The following RAD51B variants were observed in gnomAD, a reference collection of about 807,000 sequenced individuals.
RAD51B encodes the protein RAD51 paralog B, also known as DNA repair protein RAD51 homolog 2.
In RAD51B, 38 loss-of-function variants were observed where a neutral mutation model predicts 42.2. The observed-to-expected ratio is 0.90, with a 90% CI of 0.70 to 1.18. RAD51B has a LOEUF of 1.18. RAD51B is among the 50% of genes most tolerant of loss of function. The pLI is 0.00. For missense variants in RAD51B, 373 were observed against 400.7 expected (o/e 0.93, Z 0.59); for synonymous variants, 154 against 145.2 (o/e 1.06, Z -0.43).
At chr14:68,575,192 A>G (rs533454872) in intron 10 of RAD51B, among the ~76,000 whole-genome samples, 1 of 152,312 alleles carries the variant, frequency 6.6e-6, no homozygotes, top group South Asian at 2.1e-4. Context: ...TCTGTCAAAG[A>G]TACTGACTCG....
At chr14:67,836,538 TGCAGTG>T (rs905595955) in intron 4 of RAD51B, among the ~76,000 whole-genome samples, 2 of 151,228 alleles carry the variant, frequency 1.3e-5, no homozygotes, top group Non-Finnish European at 2.9e-5. Flanking sequence ...CAGGCTGAAG[TGCAGTG>T]GCACAATCTT....
At chr14:68,575,550 G>A (rs10148414) in intron 10 of RAD51B, among the ~76,000 whole-genome samples, 86,642 of 152,006 alleles carry the variant, frequency 0.57, 25,066 homozygotes, top group Middle Eastern at 0.66. Flanking sequence ...AGAGCCTTGC[G>A]GCATGGTAGA....
intron 4 of RAD51B, among the ~76,000 whole-genome samples, chr14:67,843,205 G>T (rs547628410): frequency 6.6e-6 from 1 of 150,548 alleles, no homozygotes; most frequent in African/African-American, 2.5e-5. Flanking sequence ...ACAACATGCA[G>T]GTTTGTTACA....
At chr14:67,862,882 TTG>T (rs571654660) in intron 4 of RAD51B, among the ~76,000 whole-genome samples, 1 of 152,042 alleles carries the variant, frequency 6.6e-6, no homozygotes, top group African/African-American at 2.4e-5. Context: ...AATTCATACT[TTG>T]TGTGTGTTTT....
chr14:68,329,720 G>A (rs748796291), intron 8 of RAD51B, among the ~76,000 whole-genome samples: 2 of 152,084 alleles, frequency 1.3e-5, no homozygotes, highest in Non-Finnish European at 2.9e-5. Context: ...GGTGGCTCAC[G>A]CCTATAATCC....
At chr14:67,859,802 A>T (rs1276583064) in intron 4 of RAD51B, among the ~76,000 whole-genome samples, 6 of 152,188 alleles carry the variant, frequency 3.9e-5, no homozygotes, top group African/African-American at 1.4e-4. Flanking sequence ...AAACATAGGA[A>T]ACAATATGGC....
chr14:67,996,766 G>A (rs1489078571), intron 7 of RAD51B, among the ~76,000 whole-genome samples: 1 of 152,192 alleles, frequency 6.6e-6, no homozygotes, highest in South Asian at 2.1e-4. Flanking sequence ...GAGATCACTG[G>A]CTGCTGGTTG....
At chr14:68,505,437 C>T (rs568822959) in intron 10 of RAD51B, among the ~76,000 whole-genome samples, 2 of 151,024 alleles carry the variant, frequency 1.3e-5, no homozygotes, top group African/African-American at 2.4e-5. Flanking sequence ...GTCAGCTGCC[C>T]GCTCTGTCCA....
At chr14:68,585,048 A>G (rs1294608439) in intron 10 of RAD51B, among the ~76,000 whole-genome samples, 1 of 152,166 alleles carries the variant, frequency 6.6e-6, no homozygotes, top group Non-Finnish European at 1.5e-5. Context: ...CTTCACCCAT[A>G]GGATGCGGCG....
At chr14:68,379,006 T>C (rs2083427171) in intron 8 of RAD51B, among the ~76,000 whole-genome samples, 1 of 152,224 alleles carries the variant, frequency 6.6e-6, no homozygotes, top group Non-Finnish European at 1.5e-5. Context: ...CTTCATCCAA[T>C]TACAGCAACA....
chr14:68,677,324 G>A (rs888987565), intron 11 of RAD51B, among the ~76,000 whole-genome samples: 20 of 152,144 alleles, frequency 1.3e-4, no homozygotes, highest in South Asian at 8.3e-4. Context: ...GCTTGGAGGC[G>A]GGAGAGATTC....
At position 68,611,267 on chromosome 14, in the gene RAD51B, A is replaced by G. The variant is rs765339186; in HGVS notation, c.*20A>G. The G allele has an allele frequency of 1.4e-5, 10 of 702,140 alleles. No homozygotes were observed. In the Middle Eastern group the frequency reaches 1.4e-3, roughly 96 times the overall value. The allele number at this position is 702,140 out of a possible 1,614,324, so 43.5% of individuals were successfully genotyped here. A position where few individuals can be genotyped will look rare whatever the true frequency, so the allele number is the denominator to read the frequency against. On this transcript the variant is annotated 3_prime_UTR_variant, in exon 11 of 11. Coordinates refer to the RAD51B transcript ENST00000487861. Reference sequence around the variant, plus strand: ...GTGTAACCCAGCCTAGTTTTTCACCACGACTTCCAGATCTACATTTAACAT... The same window carrying G: ...GTGTAACCCAGCCTAGTTTTTCACCGCGACTTCCAGATCTACATTTAACAT...
Position 68,439,866 on chromosome 14 carries a change from T to G in RAD51B, c.958-28306T>G, listed in dbSNP as rs533166174. On this transcript the variant is annotated intron_variant, in intron 9 of 10. Coordinates refer to ENST00000471583, the MANE Select transcript of RAD51B (RefSeq NM_133510.4). ...GTGTGTTGAAATGTTCCAGGGTCTG[T>G]ATGCACACATCCAAACCCTGCCCCT... is the stretch of plus-strand genomic sequence containing the variant. Among the ~76,000 whole-genome samples, 3 of 152,308 alleles carry G rather than the reference T, an allele frequency of 2.0e-5. No homozygotes were observed. In the East Asian group the frequency reaches 5.8e-4, roughly 29 times the overall value.
chr14:68,416,652 C>T (rs560926881), intron 9 of RAD51B, among the ~76,000 whole-genome samples: 19 of 152,298 alleles, frequency 1.2e-4, no homozygotes, highest in Admixed American at 4.6e-4. Flanking sequence ...ATGTTAGCAT[C>T]AAACCTTGAC....
At chr14:68,513,802 A>G (rs1277422661) in intron 10 of RAD51B, among the ~76,000 whole-genome samples, 1 of 152,180 alleles carries the variant, frequency 6.6e-6, no homozygotes, top group Non-Finnish European at 1.5e-5. Flanking sequence ...TCACATTTAA[A>G]TCAATTTAAG....
chr14:68,405,038 C>G (rs1039746492), intron 8 of RAD51B, among the ~76,000 whole-genome samples: 1 of 152,170 alleles, frequency 6.6e-6, no homozygotes, highest in Non-Finnish European at 1.5e-5. Context: ...GGCCTGGTTT[C>G]GAACCCTGGC....
chr14:67,861,916 A>G (rs527454598), intron 4 of RAD51B, among the ~76,000 whole-genome samples: 38 of 152,252 alleles, frequency 2.5e-4, no homozygotes, highest in African/African-American at 8.9e-4. Context: ...CTCTTAAAAA[A>G]TACTTGGAAA....
chr14:67,849,160 G>A (rs34513318), intron 4 of RAD51B, among the ~76,000 whole-genome samples: 1,580 of 152,276 alleles, frequency 0.01, 11 homozygotes, highest in South Asian at 0.023. Flanking sequence ...TGTTTTCCAG[G>A]TTGTCAACTT....
intron 7 of RAD51B, among the ~76,000 whole-genome samples, chr14:68,120,669 C>T (rs1409752789): frequency 6.6e-6 from 1 of 151,922 alleles, no homozygotes; most frequent in East Asian, 1.9e-4. Flanking sequence ...CTGAGGGTGT[C>T]ACCCTTTGGG....
Sources: allele counts gnomAD v4.1 joint callset (sites outside exome capture counted in the v4.1 genomes callset), GRCh38; gene constraint gnomAD v4.1.1; transcripts MANE v1.5; gene names NCBI Gene and HGNC (gene_info 2026-07-23, HGNC 2026-07-21).